Variants in DGKB observed in about 807,000 individuals in gnomAD.
DGKB encodes 90 kDa diacylglycerol kinase.
DGKB carries 67 observed loss-of-function variants against 114.3 expected under a neutral mutation model. The observed-to-expected ratio is 0.59, with a 90% confidence interval of 0.48 to 0.72. DGKB has a LOEUF of 0.72. Among genes scored for constraint, DGKB ranks in the 30% least tolerant of loss-of-function variants. The probability of loss-of-function intolerance (pLI) is 0.00; values close to 1 mark genes in which losing one functional copy is unlikely to be tolerated. For missense variants in DGKB, 907 were observed against 975.2 expected, an observed-to-expected ratio of 0.93 and a Z score of 0.93; for synonymous variants, 398 against 323.1, an observed-to-expected ratio of 1.23 and a Z score of -2.49.
rs763195445 is a variant in DGKB at position 14,959,996 on chromosome 7, G to A, written c.-188+14700C>T. Among the ~76,000 whole-genome samples the A allele has an allele frequency of 1.1e-4, 17 of 151,962 alleles. No individual in the cohort carries two copies. In the South Asian group the frequency reaches 1.2e-3, roughly 11 times the overall value. ...TTCTTTCATCACTTTTGCACAAAGCGGTCACACTGGCTGTATTTTTACAGG... is the reference window on the plus strand; with the variant it reads ...TTCTTTCATCACTTTTGCACAAAGCAGTCACACTGGCTGTATTTTTACAGG... On this transcript the variant is annotated intron_variant, in intron 1 of 4. Transcript: ENST00000437998.
At chr7:14,668,162 G>A (rs1034963207) in intron 13 of DGKB, among the ~76,000 whole-genome samples, 2 of 152,110 alleles carry the variant, frequency 1.3e-5, no homozygotes, top group African/African-American at 4.8e-5. Flanking sequence ...TGTACAGAAA[G>A]GAGGTAGTTC....
At chr7:14,840,104 T>C (rs1183172757) in intron 2 of DGKB, among the ~76,000 whole-genome samples, 2 of 152,224 alleles carry the variant, frequency 1.3e-5, no homozygotes, top group East Asian at 3.8e-4. Context: ...TTTCTCTGCT[T>C]CTACTTTATA....
chr7:14,888,767 G>A (rs180873234), intron 1 of DGKB, among the ~76,000 whole-genome samples: 39 of 151,820 alleles, frequency 2.6e-4, no homozygotes, highest in African/African-American at 8.9e-4. Context: ...ACATTGTTGT[G>A]AAATTAAGTT....
At chr7:14,367,599 C>T (rs1262741800) in intron 21 of DGKB, among the ~76,000 whole-genome samples, 1 of 151,616 alleles carries the variant, frequency 6.6e-6, no homozygotes, top group Admixed American at 6.6e-5. Flanking sequence ...GACTAATACA[C>T]TAGGCTAAGC....
At chr7:14,437,038 C>G (rs2128803766) in intron 21 of DGKB, among the ~76,000 whole-genome samples, 1 of 152,116 alleles carries the variant, frequency 6.6e-6, no homozygotes, top group Non-Finnish European at 1.5e-5. Context: ...TCTTGGGTTT[C>G]TTTCTGCTTA....
At chr7:14,157,891 T>A (rs1783267916) in intron 25 of DGKB, among the ~76,000 whole-genome samples, 1 of 152,202 alleles carries the variant, frequency 6.6e-6, no homozygotes, top group African/African-American at 2.4e-5. Flanking sequence ...TTTTCTTAAC[T>A]AGAGAATATT....
chr7:14,576,101 A>G (rs1488128405), intron 19 of DGKB, among the ~76,000 whole-genome samples: 1 of 152,182 alleles, frequency 6.6e-6, no homozygotes, highest in East Asian at 1.9e-4. Flanking sequence ...AACATTGAAA[A>G]TATTAAATAT....
intron 25 of DGKB, among the ~76,000 whole-genome samples, chr7:14,150,799 A>G (rs1007898388): frequency 6.6e-6 from 1 of 152,086 alleles, no homozygotes; most frequent in African/African-American, 2.4e-5. Context: ...TGTCATTGAG[A>G]TTTAAACTCC....
chr7:14,249,297 A>G (rs191443336), intron 23 of DGKB, among the ~76,000 whole-genome samples: 1 of 152,040 alleles, frequency 6.6e-6, no homozygotes. Flanking sequence ...ATGGGCCTCT[A>G]ATTTTCTTTT....
chr7:14,919,062 GCA>G (rs767285844), intron 1 of DGKB, among the ~76,000 whole-genome samples: 1,243 of 117,914 alleles, frequency 0.011, 10 homozygotes, highest in Admixed American at 0.042. Flanking sequence ...TCCACCACAC[GCA>G]CACACACACA....
intron 23 of DGKB, among the ~76,000 whole-genome samples, chr7:14,306,287 T>G (rs1329977524): frequency 2.6e-5 from 4 of 152,020 alleles, no homozygotes; most frequent in African/African-American, 7.2e-5. Flanking sequence ...TAATAATGCA[T>G]AACACCGAAA....
chr7:14,704,955 C>T lies in DGKB; in HGVS notation c.467-3225G>A, dbSNP rs980786446. 2.6e-5 allele frequency among the ~76,000 whole-genome samples: 4 copies of T among 152,198 alleles called. No homozygotes were observed. In the East Asian group the frequency reaches 5.9e-4, roughly 22 times the overall value. On this transcript the variant is annotated intron_variant, in intron 6 of 25. Coordinates refer to ENST00000402815, the MANE Select transcript of DGKB (RefSeq NM_001350709.2). ...ACGCAGCTCCTCACCAGCAACGGAA[C>T]AAAGCTGGATGGAGAATGACTTTGA...
At chr7:14,953,916 G>A (rs976935989) in intron 1 of DGKB, among the ~76,000 whole-genome samples, 1 of 152,072 alleles carries the variant, frequency 6.6e-6, no homozygotes, top group Non-Finnish European at 1.5e-5. Context: ...GCAGCTTTCA[G>A]CATCACCTGG....
chr7:14,633,355 T>C (rs1282062847), intron 13 of DGKB, among the ~76,000 whole-genome samples: 1 of 151,914 alleles, frequency 6.6e-6, no homozygotes, highest in Non-Finnish European at 1.5e-5. Flanking sequence ...CTAAGAATTT[T>C]CTTATGCAAC....
At chr7:14,919,330 CTGA>C (rs1784408286) in intron 1 of DGKB, among the ~76,000 whole-genome samples, 1 of 151,984 alleles carries the variant, frequency 6.6e-6, no homozygotes, top group African/African-American at 2.4e-5. Context: ...ATATAGTCAA[CTGA>C]TGATATTTGA....
intron 6 of DGKB, among the ~76,000 whole-genome samples, chr7:14,709,663 G>C (rs1412598497): frequency 6.8e-6 from 1 of 146,724 alleles, no homozygotes; most frequent in Non-Finnish European, 1.5e-5. Flanking sequence ...CATGTCCTTT[G>C]TAGGGACATG....
chr7:14,280,203 C>T (rs1162424398), intron 23 of DGKB, among the ~76,000 whole-genome samples: 2 of 151,920 alleles, frequency 1.3e-5, no homozygotes, highest in African/African-American at 4.8e-5. Context: ...TCGAGAACTA[C>T]GTGAGGAATG....
intron 20 of DGKB, among the ~76,000 whole-genome samples, chr7:14,562,618 T>G (rs1796831238): frequency 6.6e-6 from 1 of 152,202 alleles, no homozygotes; most frequent in Non-Finnish European, 1.5e-5. Context: ...GAGATCATTT[T>G]GGAACTCGAA....
intron 21 of DGKB, among the ~76,000 whole-genome samples, chr7:14,372,460 C>T (rs1464694971): frequency 6.6e-6 from 1 of 152,070 alleles, no homozygotes; most frequent in Admixed American, 6.6e-5. Context: ...AACTTAACCT[C>T]ATCATAAGTT....
Sources: allele counts gnomAD v4.1 joint callset (sites outside exome capture counted in the v4.1 genomes callset), GRCh38; gene constraint gnomAD v4.1.1; transcripts MANE v1.5; gene names NCBI Gene and HGNC (gene_info 2026-07-23, HGNC 2026-07-21).